CDH2: variants seen among roughly 807,000 people sequenced by gnomAD.
The protein encoded by CDH2 is cadherin 2, also known as cadherin-2.
Under a neutral mutation model 92.0 loss-of-function variants are expected in CDH2, and 17 were observed. The ratio of observed to expected loss-of-function variants is 0.18; its 90% confidence interval spans 0.13 to 0.28. The LOEUF (loss-of-function observed/expected upper bound fraction) is 0.28, where lower values mean the gene tolerates loss of function less well. Among genes scored for constraint, CDH2 ranks in the 10% least tolerant of loss-of-function variants. The pLI, the probability that CDH2 is intolerant of heterozygous loss-of-function variation, is 1.00. For synonymous variants in CDH2, 419 were observed against 415.9 expected (o/e 1.01, Z -0.09); for missense variants, 862 against 1,133.1 (o/e 0.76, Z 3.44).
At chr18:28,094,814 A>AAAC (rs1305099073) in intron 2 of CDH2, among the ~76,000 whole-genome samples, 1 of 150,858 alleles carries the variant, frequency 6.6e-6, no homozygotes, top group East Asian at 1.9e-4. Context: ...AAAAAAAAAA[A>AAAC]ATTACTGCTA....
At chr18:28,132,373 CT>C (rs1408196812) in intron 2 of CDH2, among the ~76,000 whole-genome samples, 9 of 152,218 alleles carry the variant, frequency 5.9e-5, no homozygotes, top group Non-Finnish European at 1.5e-5. Context: ...GGGCCAGTTT[CT>C]TTCCTTCTCT....
At chr18:28,108,773 A>T (rs1362074386) in intron 2 of CDH2, among the ~76,000 whole-genome samples, 3 of 147,798 alleles carry the variant, frequency 2.0e-5, no homozygotes, top group Non-Finnish European at 4.4e-5. Flanking sequence ...ACATAGATGT[A>T]CCTAAAAAAA....
intron 4 of CDH2, among the ~76,000 whole-genome samples, chr18:28,011,109 G>A (rs1159348663): frequency 1.3e-5 from 2 of 151,838 alleles, no homozygotes; most frequent in Admixed American, 1.3e-4. Context: ...TTAAAAAAAA[G>A]GCTTTCAGTA....
At chr18:28,098,799 G>A (rs2015179724) in intron 2 of CDH2, among the ~76,000 whole-genome samples, 1 of 152,064 alleles carries the variant, frequency 6.6e-6, no homozygotes, top group Admixed American at 6.6e-5. Context: ...ATTCTCAGGT[G>A]GGAAAGTGTG....
chr18:28,133,851 T>A (rs1363898032), intron 2 of CDH2, among the ~76,000 whole-genome samples: 1 of 152,000 alleles, frequency 6.6e-6, no homozygotes, highest in Non-Finnish European at 1.5e-5. Flanking sequence ...TTGTCTTCTA[T>A]CACCATGCAT....
intron 2 of CDH2, among the ~76,000 whole-genome samples, chr18:28,140,344 A>T (rs1026548795): frequency 6.6e-6 from 1 of 152,018 alleles, no homozygotes; most frequent in African/African-American, 2.4e-5. Context: ...TTGTGCATCA[A>T]AGGAAATTAC....
Position 27,951,348 on chromosome 18 carries a change from T to C in CDH2, c.*805A>G, listed in dbSNP as rs201829682. The C allele has an allele frequency of 7.9e-5, 12 of 152,452 alleles. No homozygotes were observed. Among genetic ancestry groups the C allele is most frequent in the South Asian group, 4.1e-4 (2 of 4,826 alleles). The allele number at this position is 152,452 out of a possible 1,614,324, so 9.4% of individuals were successfully genotyped here. A position where few individuals can be genotyped will look rare whatever the true frequency, so the allele number is the denominator to read the frequency against. On this transcript the variant is annotated 3_prime_UTR_variant, in exon 16 of 16. Coordinates refer to ENST00000269141, the MANE Select transcript of CDH2 (RefSeq NM_001792.5). ...AATACTTTATCCATAACGAAAGATA[T>C]AAACATGCAAAAAACCTGAATCCAT...
chr18:27,990,280 T>G lies in CDH2; in HGVS notation c.1415A>C (p.Lys472Thr), dbSNP rs2012373261. Residue 472 changes from lysine (K) to threonine (T), a missense_variant, in exon 10 of 16, where the codon AAG becomes ACG. By Grantham distance (78) the Lys-to-Thr change is moderately conservative (BLOSUM62 -1). This residue lies in a region of CDH2 where 564 missense variants were observed against 722.2 expected (regional missense o/e 0.78). Transcript: ENST00000269141. ...TGACTGAGGGGGGTGCTGAATTCCCTTGGCTAATGGCACTTGATTTTCTGC... is the reference window on the plus strand; with the variant it reads ...TGACTGAGGGGGGTGCTGAATTCCCGTGGCTAATGGCACTTGATTTTCTGC... ...VAAENQVPLA[K>T]GIQHPPQSTA... 6.2e-7 allele frequency: 1 copy of G among 1,613,920 alleles called. No homozygotes were observed. The highest frequency in any genetic ancestry group is 8.5e-7 in the Non-Finnish European group (1 of 1,179,816).
At chr18:27,976,769 T>C (rs183542150) in intron 14 of CDH2, among the ~76,000 whole-genome samples, 70 of 152,272 alleles carry the variant, frequency 4.6e-4, no homozygotes, top group Admixed American at 4.4e-3. Flanking sequence ...TGTCAGGTGA[T>C]GTAGGGAGAG....
chr18:28,175,555 T>C (rs988666448), intron 1 of CDH2, among the ~76,000 whole-genome samples: 1 of 151,978 alleles, frequency 6.6e-6, no homozygotes, highest in African/African-American at 2.4e-5. Context: ...GTCTAGGGGT[T>C]GCGGGAGAAA....
intron 1 of CDH2, among the ~76,000 whole-genome samples, chr18:28,169,743 C>T (rs1044137007): frequency 6.6e-6 from 1 of 152,136 alleles, no homozygotes; most frequent in African/African-American, 2.4e-5. Flanking sequence ...ATTATAATTC[C>T]CATACCATAT....
chr18:27,970,423 T>C (rs2011629054), intron 14 of CDH2, among the ~76,000 whole-genome samples: 2 of 152,170 alleles, frequency 1.3e-5, no homozygotes, highest in Admixed American at 6.5e-5. Context: ...AACATAAAAA[T>C]AGGTAATTTG....
chr18:28,107,934 CAGTATCCTTCCAA>C (rs1375572733), intron 2 of CDH2, among the ~76,000 whole-genome samples: 1 of 152,172 alleles, frequency 6.6e-6, no homozygotes, highest in African/African-American at 2.4e-5. Flanking sequence ...CAGTTTCCTC[CAGTATCCTTCCAA>C]CAGCTACTGA....
intron 2 of CDH2, among the ~76,000 whole-genome samples, chr18:28,090,679 C>T (rs555013112): frequency 3.3e-5 from 5 of 152,252 alleles, no homozygotes; most frequent in African/African-American, 1.2e-4. Context: ...AATGCTCTCC[C>T]TTTCCAACCT....
At chr18:28,176,912 G>GCCGCCCGCCCCACC in intron 1 of CDH2, 51 bp downstream of exon 1, 1 of 1,102,786 alleles carries the variant, frequency 9.1e-7, no homozygotes, top group Non-Finnish European at 1.1e-6. Context: ...GGGACCCGGC[G>GCCGCCCGCCCCACC]CCGCCCGCCC....
chr18:28,173,053 A>T (rs1298827555), intron 1 of CDH2, among the ~76,000 whole-genome samples: 1 of 152,164 alleles, frequency 6.6e-6, no homozygotes, highest in African/African-American at 2.4e-5. Context: ...TTGGTGCTCT[A>T]TACCATCATG....
At chr18:27,946,405 G>A (rs1909269299), downstream of CDH2, among the ~76,000 whole-genome samples, 1 of 152,042 alleles carries the variant, frequency 6.6e-6, no homozygotes, top group African/African-American at 2.4e-5. Flanking sequence ...AGATAATACT[G>A]TATGGAATTT....
chr18:28,016,689 A>G (rs377545991), intron 2 of CDH2, among the ~76,000 whole-genome samples: 3 of 152,172 alleles, frequency 2.0e-5, no homozygotes, highest in African/African-American at 7.2e-5. Context: ...ACTCCCATAC[A>G]AAAGTGCAAA....
chr18:28,055,249 G>A (rs2014269118), intron 2 of CDH2, among the ~76,000 whole-genome samples: 1 of 152,108 alleles, frequency 6.6e-6, no homozygotes, highest in Admixed American at 6.6e-5. Context: ...AGAACAGTGT[G>A]GGGAAACTGC....
Sources: allele counts gnomAD v4.1 joint callset (sites outside exome capture counted in the v4.1 genomes callset), GRCh38; gene constraint gnomAD v4.1.1; regional missense constraint gnomAD v4.1.1; transcripts MANE v1.5; gene names NCBI Gene and HGNC (gene_info 2026-07-23, HGNC 2026-07-21).